DOCK4: variants seen among roughly 807,000 people sequenced by gnomAD.
The protein encoded by DOCK4 is dedicator of cytokinesis protein 4.
DOCK4 carries 97 observed loss-of-function variants against 268.1 expected under a neutral mutation model. That is an observed-to-expected ratio of 0.36 (90% CI 0.31 to 0.43). The LOEUF (loss-of-function observed/expected upper bound fraction) is 0.43, where lower values mean the gene tolerates loss of function less well. DOCK4 is among the 20% of genes least tolerant of loss of function. DOCK4 has a pLI of 1.00. For synonymous variants in DOCK4, 954 were observed against 887.2 expected (o/e 1.08, Z -1.34); for missense variants, 2,145 against 2,455.7 (o/e 0.87, Z 2.67).
At chr7:111,732,938 C>T (rs577312559) in intron 51 of DOCK4, among the ~76,000 whole-genome samples, 1 of 152,304 alleles carries the variant, frequency 6.6e-6, no homozygotes, top group East Asian at 1.9e-4. Context: ...TGCTTTTTCT[C>T]ACTAGATTTT....
intron 1 of DOCK4, among the ~76,000 whole-genome samples, chr7:112,014,593 A>G (rs990509027): frequency 4.6e-5 from 7 of 152,206 alleles, no homozygotes; most frequent in Admixed American, 4.6e-4. Flanking sequence ...ACAGAGTTCT[A>G]CACCTCTGTG....
At chr7:112,126,475 T>C (rs1055171988) in intron 1 of DOCK4, among the ~76,000 whole-genome samples, 1 of 152,196 alleles carries the variant, frequency 6.6e-6, no homozygotes, top group Non-Finnish European at 1.5e-5. Context: ...CAGTCTCACA[T>C]TGAATGTCTG....
intron 1 of DOCK4, among the ~76,000 whole-genome samples, chr7:112,009,546 G>C (rs1459962185): frequency 6.6e-6 from 1 of 152,214 alleles, no homozygotes; most frequent in Non-Finnish European, 1.5e-5. Context: ...GGCAGTGATG[G>C]AGCAGGCATC....
At chr7:112,140,179 C>T (rs1439702418) in intron 1 of DOCK4, among the ~76,000 whole-genome samples, 1 of 151,974 alleles carries the variant, frequency 6.6e-6, no homozygotes, top group African/African-American at 2.4e-5. Context: ...CATGAAAAAC[C>T]AAGGATACTC....
chr7:111,746,037 T>G (rs1796244596), intron 44 of DOCK4, among the ~76,000 whole-genome samples: 1 of 152,216 alleles, frequency 6.6e-6, no homozygotes, highest in Non-Finnish European at 1.5e-5. Flanking sequence ...CCAAGATATC[T>G]CTTATGTATA....
At chr7:111,745,715 G>A (rs1796218526) in intron 44 of DOCK4, among the ~76,000 whole-genome samples, 1 of 127,308 alleles carries the variant, frequency 7.9e-6, no homozygotes, top group African/African-American at 3.0e-5. Context: ...AAAAAAGTTG[G>A]CATCAAGCCT....
chr7:111,905,784 T>C (rs1791519447), intron 13 of DOCK4, among the ~76,000 whole-genome samples: 2 of 152,148 alleles, frequency 1.3e-5, no homozygotes, highest in Admixed American at 1.3e-4. Flanking sequence ...TAAAATTTCC[T>C]GTCCTTTAGT....
intron 16 of DOCK4, among the ~76,000 whole-genome samples, chr7:111,880,258 G>A (rs1490531492): frequency 6.6e-6 from 1 of 152,170 alleles, no homozygotes; most frequent in African/African-American, 2.4e-5. Flanking sequence ...AATCTTACAG[G>A]CAAAGAGAGT....
rs143514135 is a variant in DOCK4 at position 112,062,387 on chromosome 7, C to T, written c.38-58256G>A. ...ACATTAATAAGACAATTCTAAGGGA[C>T]GGTTCATTCTCCAGTAAAAATAAAG... is the stretch of plus-strand genomic sequence containing the variant. On this transcript the variant is annotated intron_variant, in intron 1 of 52. Coordinates refer to ENST00000428084, the MANE Select transcript of DOCK4 (RefSeq NM_001363540.2). Among the ~76,000 whole-genome samples the T allele has an allele frequency of 1.6e-4, 24 of 152,284 alleles. No homozygotes were observed. The East Asian group carries it at 4.1e-3, about 26-fold the overall frequency.
At chr7:111,990,207 G>A (rs756867479) in intron 5 of DOCK4, among the ~76,000 whole-genome samples, 2 of 152,156 alleles carry the variant, frequency 1.3e-5, no homozygotes, top group African/African-American at 4.8e-5. Flanking sequence ...CTAGAGTACT[G>A]TTATTGCTTT....
Position 111,728,544 on chromosome 7 carries a change from C to G in DOCK4, c.5658G>C (p.Pro1886=), listed in dbSNP as rs565911216. 9 of 1,613,730 alleles carry G rather than the reference C, an allele frequency of 5.6e-6. No individual in the cohort carries two copies. The Admixed American group carries it at 1.5e-4, about 27-fold the overall frequency. The change falls in exon 53 of 53, where the codon CCG becomes CCC. Residue 1886 remains proline, a synonymous_variant. Coordinates refer to ENST00000428084, the MANE Select transcript of DOCK4 (RefSeq NM_001363540.2). ...NQVNEQSAPL[P]VPVPVPVPSY... is the part of the protein sequence containing the mutation. ...TCGGCACGGGCACCGGCACTGGCACCGGCAGGGGGGCCGACTGTTCATTCA... is the reference window on the plus strand; with the variant it reads ...TCGGCACGGGCACCGGCACTGGCACGGGCAGGGGGGCCGACTGTTCATTCA...
At chr7:112,111,328 G>C (rs118113830) in intron 1 of DOCK4, among the ~76,000 whole-genome samples, 1 of 152,100 alleles carries the variant, frequency 6.6e-6, no homozygotes, top group African/African-American at 2.4e-5. Flanking sequence ...GTGGAGGGAG[G>C]GGGTAGGGAA....
chr7:111,814,633 A>G (rs1801404205), intron 27 of DOCK4, among the ~76,000 whole-genome samples: 8 of 152,348 alleles, frequency 5.3e-5, no homozygotes, highest in South Asian at 2.1e-4. Context: ...CAACCACCCA[A>G]TGAAGAGCAA....
intron 8 of DOCK4, among the ~76,000 whole-genome samples, chr7:111,947,380 T>C (rs1206081708): frequency 6.6e-6 from 1 of 152,212 alleles, no homozygotes; most frequent in East Asian, 1.9e-4. Flanking sequence ...GCTTATCTCA[T>C]CTTTTACTTA....
intron 10 of DOCK4, among the ~76,000 whole-genome samples, chr7:111,943,095 G>A (rs979223808): frequency 1.3e-5 from 2 of 152,056 alleles, no homozygotes; most frequent in Non-Finnish European, 2.9e-5. Flanking sequence ...CTTCTCCTTC[G>A]GTCTCAAAAT....
chr7:111,878,326 G>A (rs1159959133), intron 16 of DOCK4, among the ~76,000 whole-genome samples: 1 of 152,170 alleles, frequency 6.6e-6, no homozygotes, highest in East Asian at 1.9e-4. Flanking sequence ...AAAAAACGTA[G>A]TGATCAGAAA....
In DOCK4 at chr7:112,189,678, G is replaced by A. The variant is rs560524695; in HGVS notation, c.37+16424C>T. 9.4e-4 allele frequency among the ~76,000 whole-genome samples: 143 copies of A among 151,726 alleles called. No individual in the cohort carries two copies. The South Asian group carries it at 0.028, about 29-fold the overall frequency. ...AGTCCTATCTTCACTGAAATTCAGC[G>A]GTTGGTGGTAGGTTTCTTCATGACA... On this transcript the variant is annotated intron_variant, in intron 1 of 52. Transcript: ENST00000428084.
intron 12 of DOCK4, among the ~76,000 whole-genome samples, chr7:111,931,700 C>A (rs1794216142): frequency 6.6e-6 from 1 of 152,154 alleles, no homozygotes; most frequent in East Asian, 1.9e-4. Flanking sequence ...GAGATTAAAT[C>A]AGGATCCATT....
intron 1 of DOCK4, among the ~76,000 whole-genome samples, chr7:112,158,680 A>T (rs1435073969): frequency 1.3e-5 from 2 of 152,362 alleles, no homozygotes; most frequent in South Asian, 4.1e-4. Context: ...AAAATTTCAA[A>T]GAAACTATCA....
Sources: gnomAD v4.1 joint callset for allele counts (sites outside exome capture counted in the v4.1 genomes callset) on GRCh38, gnomAD v4.1.1 for gene constraint, MANE v1.5 for transcripts, NCBI Gene and HGNC (gene_info 2026-07-23, HGNC 2026-07-21) for gene names.